The following EPHA3 variants were observed in gnomAD, a reference collection of about 807,000 sequenced individuals.
EPHA3 encodes the protein ephrin type-A receptor 3.
Under a neutral mutation model 107.1 loss-of-function variants are expected in EPHA3, and 42 were observed. That is an observed-to-expected ratio of 0.39 (90% CI 0.31 to 0.51). The LOEUF is 0.51. Ranked by LOEUF, EPHA3 falls within the 20% of genes least tolerant of loss-of-function variation. The pLI, the probability that EPHA3 is intolerant of heterozygous loss-of-function variation, is 0.78. For synonymous variants in EPHA3, 461 were observed against 424.8 expected (o/e 1.09, Z -1.05); for missense variants, 1,183 against 1,211.2 (o/e 0.98, Z 0.35).
intron 1 of EPHA3, among the ~76,000 whole-genome samples, chr3:89,112,693 T>A (rs1707142243): frequency 6.6e-6 from 1 of 151,948 alleles, no homozygotes; most frequent in Non-Finnish European, 1.5e-5. Flanking sequence ...TCATAAGATC[T>A]TCAGGAAAAT....
At chr3:89,461,286 T>C (rs1710235343) in intron 15 of EPHA3, among the ~76,000 whole-genome samples, 1 of 105,248 alleles carries the variant, frequency 9.5e-6, no homozygotes, top group Non-Finnish European at 1.8e-5. Flanking sequence ...GCAATAAACA[T>C]ACGTGTGCAT....
chr3:89,307,863 C>G (rs939726765), intron 3 of EPHA3, among the ~76,000 whole-genome samples: 8 of 152,082 alleles, frequency 5.3e-5, no homozygotes, highest in Non-Finnish European at 8.8e-5. Context: ...TAGATCATCT[C>G]TTTTGGATTG....
chr3:89,182,001 C>A (rs1430054192), intron 2 of EPHA3, among the ~76,000 whole-genome samples: 1 of 151,218 alleles, frequency 6.6e-6, no homozygotes, highest in Non-Finnish European at 1.5e-5. Flanking sequence ...CAGTGATAAT[C>A]ATTTTCATCC....
At position 89,283,836 on chromosome 3, in the gene EPHA3, G is replaced by T. The variant is rs570810540; in HGVS notation, c.815-57080G>T. Among the ~76,000 whole-genome samples, 7 of 152,070 alleles carry T rather than the reference G, an allele frequency of 4.6e-5. No individual in the cohort carries two copies. The East Asian group carries it at 1.4e-3, about 29-fold the overall frequency. On this transcript the variant is annotated intron_variant, in intron 3 of 16. Coordinates refer to ENST00000336596, the MANE Select transcript of EPHA3 (RefSeq NM_005233.6). ...TAAAAATGCTCTAAAATCAAACAAA[G>T]AAAATAATTATAATTAAACAAATGG...
intron 2 of EPHA3, among the ~76,000 whole-genome samples, chr3:89,155,868 G>A (rs1045026234): frequency 2.6e-5 from 4 of 152,100 alleles, no homozygotes; most frequent in African/African-American, 7.2e-5. Context: ...GTAGTTGAAC[G>A]TTGGGAACCA....
intron 3 of EPHA3, among the ~76,000 whole-genome samples, chr3:89,279,353 T>A (rs1705887331): frequency 6.6e-6 from 1 of 152,258 alleles, no homozygotes; most frequent in South Asian, 2.1e-4. Flanking sequence ...TGGCCTGTAC[T>A]TGTTCTACAC....
chr3:89,276,897 A>T (rs1376777447), intron 3 of EPHA3, among the ~76,000 whole-genome samples: 1 of 152,134 alleles, frequency 6.6e-6, no homozygotes, highest in East Asian at 1.9e-4. Context: ...CTTTTCTCTT[A>T]TAGTTTCCAA....
chr3:89,359,822 CATATATATATACAT>C (rs1559663747), intron 5 of EPHA3, among the ~76,000 whole-genome samples: 1 of 130,100 alleles, frequency 7.7e-6, no homozygotes, highest in East Asian at 2.1e-4. Flanking sequence ...CATATATATA[CATATATATATACAT>C]ATATATATAT....
At chr3:89,264,882 A>C (rs1431236869) in intron 3 of EPHA3, among the ~76,000 whole-genome samples, 6 of 152,184 alleles carry the variant, frequency 3.9e-5, no homozygotes, top group Non-Finnish European at 8.8e-5. Flanking sequence ...AAGAATATTA[A>C]TGAAATGAAA....
chr3:89,446,559 G>A (rs1405897676), intron 13 of EPHA3, among the ~76,000 whole-genome samples: 1 of 151,916 alleles, frequency 6.6e-6, no homozygotes, highest in African/African-American at 2.4e-5. Context: ...TCTCTTTCAT[G>A]GCTGTCATCA....
At chr3:89,219,951 G>A (rs1427114994) in intron 3 of EPHA3, among the ~76,000 whole-genome samples, 2 of 150,766 alleles carry the variant, frequency 1.3e-5, no homozygotes, top group South Asian at 2.1e-4. Context: ...CTCGTGATCC[G>A]CCCGCCTCGG....
At chr3:89,128,716 A>T (rs1041948323) in intron 2 of EPHA3, among the ~76,000 whole-genome samples, 9 of 150,082 alleles carry the variant, frequency 6.0e-5, no homozygotes, top group African/African-American at 2.2e-4. Flanking sequence ...TATAGTATAT[A>T]TATTACTATA....
chr3:89,278,681 G>A (rs754455684), intron 3 of EPHA3, among the ~76,000 whole-genome samples: 9 of 152,044 alleles, frequency 5.9e-5, no homozygotes, highest in Admixed American at 2.6e-4. Flanking sequence ...AATAGAGGTC[G>A]CTCTGCTATT....
Position 89,117,970 on chromosome 3 carries a change from G to T in EPHA3, c.89-9239G>T. Among the ~76,000 whole-genome samples the T allele has an allele frequency of 1.3e-5, 2 of 151,870 alleles. 1 individual carries two copies. Among genetic ancestry groups the T allele is most frequent in the East Asian group, 3.9e-4 (2 of 5,180 alleles). On this transcript the variant is annotated intron_variant, in intron 1 of 16. Transcript: ENST00000336596. ...CATAGAAAACTAGAACTAGAATTAA[G>T]TCAGATTGTTACTCTTTTATGAAAT...
chr3:89,286,841 C>T (rs1038218014), intron 3 of EPHA3, among the ~76,000 whole-genome samples: 2 of 152,068 alleles, frequency 1.3e-5, no homozygotes, highest in Non-Finnish European at 2.9e-5. Flanking sequence ...TGCATATCAG[C>T]AAGTAAAAGC....
At chr3:89,447,942 G>A (rs1320236617) in intron 13 of EPHA3, among the ~76,000 whole-genome samples, 4 of 152,028 alleles carry the variant, frequency 2.6e-5, no homozygotes, top group Non-Finnish European at 5.9e-5. Flanking sequence ...GATAGAAATC[G>A]GTCACATTTT....
At chr3:89,292,547 A>G (rs1706237036) in intron 3 of EPHA3, among the ~76,000 whole-genome samples, 1 of 152,164 alleles carries the variant, frequency 6.6e-6, no homozygotes, top group Non-Finnish European at 1.5e-5. Flanking sequence ...TATTGAATAA[A>G]ATGCCCTCCT....
At chr3:89,136,615 A>T (rs1163447141) in intron 2 of EPHA3, among the ~76,000 whole-genome samples, 1 of 151,732 alleles carries the variant, frequency 6.6e-6, no homozygotes, top group African/African-American at 2.4e-5. Flanking sequence ...CATGTACTAT[A>T]TTTCATTTCT....
At chr3:89,201,612 C>T (rs1440087248) in intron 2 of EPHA3, among the ~76,000 whole-genome samples, 1 of 152,110 alleles carries the variant, frequency 6.6e-6, no homozygotes, top group Admixed American at 6.6e-5. Flanking sequence ...ACCACTGTCT[C>T]GCAGCTATTC....
Sources: gnomAD v4.1 joint callset for allele counts (sites outside exome capture counted in the v4.1 genomes callset) on GRCh38, gnomAD v4.1.1 for gene constraint, MANE v1.5 for transcripts, NCBI Gene and HGNC (gene_info 2026-07-23, HGNC 2026-07-21) for gene names.